Variants in MEF2C observed in about 807,000 individuals in gnomAD.
MEF2C encodes myocyte-specific enhancer factor 2C.
MEF2C carries 6 observed loss-of-function variants against 50.5 expected under a neutral mutation model. The observed-to-expected ratio is 0.12, with a 90% CI of 0.07 to 0.23. The LOEUF (loss-of-function observed/expected upper bound fraction) is 0.23, where lower values mean the gene tolerates loss of function less well. MEF2C is among the 10% of genes least tolerant of loss of function. The pLI, the probability that MEF2C is intolerant of heterozygous loss-of-function variation, is 1.00. For synonymous variants in MEF2C, 183 were observed against 228.0 expected, an observed-to-expected ratio of 0.80 and a Z score of 1.78; for missense variants, 276 against 605.0, an observed-to-expected ratio of 0.46 and a Z score of 5.70.
intron 6 of MEF2C, chr5:88,737,390 T>G: frequency 1.0e-6 from 1 of 985,412 alleles, no homozygotes; most frequent in African/African-American, 1.7e-5. Context: ...TGTTAATCAT[T>G]TCACAGCACA....
chr5:88,888,388 TA>T (rs1181959959), intron 1 of MEF2C, among the ~76,000 whole-genome samples: 2 of 152,246 alleles, frequency 1.3e-5, no homozygotes, highest in African/African-American at 4.8e-5. Flanking sequence ...GGACTTTGCA[TA>T]GTGAAGAATC....
intron 6 of MEF2C, chr5:88,734,043 A>G (rs1179120710): frequency 7.1e-6 from 7 of 985,114 alleles, no homozygotes; most frequent in African/African-American, 1.7e-5. Context: ...AAAACAAACA[A>G]AAGAGAGTAT....
At chr5:88,819,896 T>C (rs1298029773) in intron 2 of MEF2C, among the ~76,000 whole-genome samples, 3 of 151,950 alleles carry the variant, frequency 2.0e-5, no homozygotes, top group African/African-American at 7.2e-5. Context: ...ATTTGCTATG[T>C]GGTCCTTTAC....
intron 1 of MEF2C, among the ~76,000 whole-genome samples, chr5:88,857,623 G>A (rs1452193600): frequency 6.6e-6 from 1 of 152,042 alleles, no homozygotes; most frequent in Non-Finnish European, 1.5e-5. Context: ...AAATCATGGG[G>A]GTAGTTCCCC....
chr5:88,742,233 T>G (rs1767170624), intron 6 of MEF2C: 2 of 985,232 alleles, frequency 2.0e-6, no homozygotes, highest in South Asian at 9.4e-5. Context: ...CACTGATGAT[T>G]ATGAAAAAAG....
intron 1 of MEF2C, chr5:88,888,816 C>G (rs1834241151): frequency 6.6e-6 from 1 of 150,606 alleles, no homozygotes; most frequent in Non-Finnish European, 1.5e-5. Flanking sequence ...CAGTAATTTG[C>G]TTGCAAGTGT....
chr5:88,747,103 C>T (rs540565929), intron 6 of MEF2C, among the ~76,000 whole-genome samples: 24 of 152,250 alleles, frequency 1.6e-4, no homozygotes, highest in Non-Finnish European at 2.8e-4. Flanking sequence ...CTATATCCTA[C>T]GTGTGTCAAA....
At chr5:88,814,355 T>C (rs555368972) in intron 2 of MEF2C, among the ~76,000 whole-genome samples, 1 of 152,054 alleles carries the variant, frequency 6.6e-6, no homozygotes, top group East Asian at 1.9e-4. Context: ...CTTTATACAA[T>C]GACGGGGCCT....
chr5:88,884,172 C>A (rs549380100), upstream of MEF2C, among the ~76,000 whole-genome samples: 1 of 152,338 alleles, frequency 6.6e-6, no homozygotes, highest in Non-Finnish European at 1.5e-5. Flanking sequence ...GGGGACGCTG[C>A]GAGCCAGCCA....
chr5:88,812,312 A>G (rs903181487), intron 2 of MEF2C, among the ~76,000 whole-genome samples: 2 of 152,186 alleles, frequency 1.3e-5, no homozygotes, highest in Non-Finnish European at 2.9e-5. Context: ...AGATATATGG[A>G]CAGAGGAATT....
At chr5:88,768,728 GTATTTTGCA>G in intron 3 of MEF2C, 1 of 983,516 alleles carries the variant, frequency 1.0e-6, no homozygotes, top group South Asian at 4.7e-5. Flanking sequence ...TCTCAGTGCA[GTATTTTGCA>G]ACTGCAATCT....
intron 1 of MEF2C, among the ~76,000 whole-genome samples, chr5:88,850,335 A>G (rs1296975867): frequency 1.3e-5 from 2 of 152,208 alleles, no homozygotes; most frequent in Admixed American, 6.5e-5. Flanking sequence ...TTGTAGTATT[A>G]TGCCCATTTT....
At chr5:88,859,884 CATTGGAT>C (rs1330611700) in intron 1 of MEF2C, among the ~76,000 whole-genome samples, 1 of 152,168 alleles carries the variant, frequency 6.6e-6, no homozygotes, top group Admixed American at 6.5e-5. Flanking sequence ...AGAACAAACA[CATTGGAT>C]ACTGTAGCAG....
At chr5:88,862,422 T>C (rs1290621861) in intron 1 of MEF2C, among the ~76,000 whole-genome samples, 1 of 152,204 alleles carries the variant, frequency 6.6e-6, no homozygotes, top group East Asian at 1.9e-4. Context: ...TTGCTATGTT[T>C]ACAGATTTAT....
chr5:88,731,972 A>C, intron 6 of MEF2C, 71 bp from the exon 7 acceptor site: 1 of 1,379,214 alleles, frequency 7.3e-7, no homozygotes, highest in Non-Finnish European at 9.8e-7. Context: ...AATACACAAC[A>C]TGAGAATAAA....
At position 88,718,599 on chromosome 5, in the gene MEF2C, A is replaced by G. The variant is rs1237953471; in HGVS notation, c.*4005T>C. On this transcript the variant is annotated 3_prime_UTR_variant, in exon 11 of 11. Coordinates refer to ENST00000504921, the MANE Select transcript of MEF2C (RefSeq NM_002397.5). ...GAAGCAATCCAAGTCCTATGCCTACAGTGACCCAGGTCTACTTTGCTCGAA... is the reference window on the plus strand; with the variant it reads ...GAAGCAATCCAAGTCCTATGCCTACGGTGACCCAGGTCTACTTTGCTCGAA... 1 of 152,244 alleles carries G rather than the reference A, an allele frequency of 6.6e-6. No individual in the cohort carries two copies. The highest frequency in any genetic ancestry group is 1.5e-5 in the Non-Finnish European group (1 of 68,044). The allele number at this position is 152,244 out of a possible 1,614,324, so 9.4% of individuals were successfully genotyped here.
chr5:88,742,868 G>T (rs1767476402), intron 6 of MEF2C: 21 of 984,800 alleles, frequency 2.1e-5, no homozygotes, highest in Non-Finnish European at 2.5e-5. Flanking sequence ...ACATGCTGTA[G>T]CTATCTAATT....
At position 88,722,425 on chromosome 5, in the gene MEF2C, GTTTATC is replaced by G; in HGVS notation, c.*173_*178del. ...GTGCTAAGCTTATCTCAGCATTTCT[GTTTATC>G]TTTATACTGTATCACTGAGGCAATT... On this transcript the variant is annotated 3_prime_UTR_variant, in exon 11 of 11. Transcript: ENST00000504921. The G allele has an allele frequency of 7.0e-6, 4 of 572,854 alleles. No homozygotes were observed. Among genetic ancestry groups the G allele is most frequent in the East Asian group, 2.8e-5 (1 of 35,526 alleles). The allele number at this position is 572,854 out of a possible 1,614,324, so 35.5% of individuals were successfully genotyped here. A position where few individuals can be genotyped will look rare whatever the true frequency, so the allele number is the denominator to read the frequency against.
intron 2 of MEF2C, among the ~76,000 whole-genome samples, chr5:88,819,806 A>G (rs896926885): frequency 3.3e-5 from 5 of 152,010 alleles, no homozygotes; most frequent in Non-Finnish European, 7.4e-5. Flanking sequence ...GTTCATTTAC[A>G]TACTGCATAC....
Sources: gnomAD v4.1 joint callset for allele counts (sites outside exome capture counted in the v4.1 genomes callset) on GRCh38, gnomAD v4.1.1 for gene constraint, MANE v1.5 for transcripts, NCBI Gene and HGNC (gene_info 2026-07-23, HGNC 2026-07-21) for gene names.